The following KDELR2 variants were observed in gnomAD, a reference collection of about 807,000 sequenced individuals.
KDELR2 encodes KDEL endoplasmic reticulum protein retention receptor 2.
In KDELR2, 15 loss-of-function variants were observed where a neutral mutation model predicts 23.9. That is an observed-to-expected ratio of 0.63 (90% CI 0.42 to 0.97). The LOEUF (loss-of-function observed/expected upper bound fraction) is 0.97, where lower values mean the gene tolerates loss of function less well. Among genes scored for constraint, KDELR2 ranks in the 50% least tolerant of loss-of-function variants. KDELR2 has a pLI of 0.00. For missense variants in KDELR2, 272 were observed against 254.6 expected (o/e 1.07, Z -0.46); for synonymous variants, 119 against 106.2 (o/e 1.12, Z -0.74).
rs1426223898 is a variant in KDELR2 at position 6,466,004 on chromosome 7, T to A, written c.604+67A>T. On this transcript the variant is annotated intron_variant, in intron 4 of 4. Transcript: ENST00000258739. ...ATGAGAGAGTGCCAGATTAGAAGAG[T>A]GCTGGGCAAGGGCACTCCTAAAAGA... 5.2e-6 allele frequency: 8 copies of A among 1,548,478 alleles called. No individual in the cohort carries two copies. In the African/African-American group the frequency reaches 8.2e-5, roughly 16 times the overall value.
Position 6,484,095 on chromosome 7 carries a change from C to G in KDELR2, c.-38G>C. ...GGTGGCGGTCGGCGCAGCGCGGCGG[C>G]CCCGGGGCTGGGCGGCTCAGGAGGC... is the stretch of plus-strand genomic sequence containing the variant. On this transcript the variant is annotated 5_prime_UTR_variant, in exon 1 of 5. Transcript: ENST00000258739. The G allele has an allele frequency of 7.2e-7, 1 of 1,396,578 alleles. No individual in the cohort carries two copies. The highest frequency in any genetic ancestry group is 1.5e-5 in the African/African-American group (1 of 66,646). The allele number at this position is 1,396,578 out of a possible 1,614,324, so 86.5% of individuals were successfully genotyped here. A position where few individuals can be genotyped will look rare whatever the true frequency, so the allele number is the denominator to read the frequency against.
At chr7:6,473,376 C>G (rs772530901) in intron 2 of KDELR2, among the ~76,000 whole-genome samples, 3 of 152,112 alleles carry the variant, frequency 2.0e-5, no homozygotes, top group African/African-American at 7.2e-5. Context: ...CAGTTCCCAG[C>G]TCTGTAGGTG....
intron 3 of KDELR2, among the ~76,000 whole-genome samples, chr7:6,467,889 G>A (rs1011603043): frequency 2.0e-5 from 3 of 152,208 alleles, no homozygotes; most frequent in African/African-American, 7.2e-5. Flanking sequence ...GCACTCAGGA[G>A]CAGATCAGCT....
Position 6,461,918 on chromosome 7 carries a change from G to A in KDELR2, c.*1223C>T, listed in dbSNP as rs891619353. On this transcript the variant is annotated 3_prime_UTR_variant, in exon 5 of 5. Coordinates refer to ENST00000258739, the MANE Select transcript of KDELR2 (RefSeq NM_006854.4). ...CATAATGTCTTACAGATGATTATGT[G>A]AACTTTAAATGTCTGCAGCCCTACA... The A allele has an allele frequency of 6.6e-6, 1 of 152,038 alleles. No individual in the cohort carries two copies. Among genetic ancestry groups the A allele is most frequent in the East Asian group, 1.9e-4 (1 of 5,200 alleles). The allele number at this position is 152,038 out of a possible 1,614,324, so 9.4% of individuals were successfully genotyped here. A position where few individuals can be genotyped will look rare whatever the true frequency, so the allele number is the denominator to read the frequency against.
intron 2 of KDELR2, among the ~76,000 whole-genome samples, chr7:6,473,480 C>A (rs560761919): frequency 5.3e-5 from 8 of 152,102 alleles, no homozygotes; most frequent in Non-Finnish European, 5.9e-5. Context: ...CAGTGCTACA[C>A]AAAGTGTTAG....
chr7:6,482,130 G>A (rs937985103), intron 1 of KDELR2, among the ~76,000 whole-genome samples: 2 of 152,140 alleles, frequency 1.3e-5, no homozygotes, highest in Non-Finnish European at 2.9e-5. Context: ...AGCCTACCGA[G>A]TAGCTGGGAT....
chr7:6,477,154 G>A (rs1299104794), intron 1 of KDELR2, among the ~76,000 whole-genome samples: 2 of 152,216 alleles, frequency 1.3e-5, no homozygotes, highest in South Asian at 2.1e-4. Flanking sequence ...GCTAGAGGGT[G>A]AGAGAGCCCC....
rs1363601541 is a variant in KDELR2 at position 6,474,265 on chromosome 7, C to G, written c.111G>C (p.Gln37His). 1 of 1,613,396 alleles carries G rather than the reference C, an allele frequency of 6.2e-7. No homozygotes were observed. The highest frequency in any genetic ancestry group is 1.7e-5 in the Admixed American group (1 of 60,002). The change falls in exon 2 of 5, where the codon CAG (glutamine) becomes CAC (histidine). Residue 37 changes from glutamine to histidine, a missense_variant. Coordinates refer to ENST00000258739, the MANE Select transcript of KDELR2 (RefSeq NM_006854.4). ...RSCAGISGKS[Q>H]LLFALVFTTR... The stretch of plus-strand genomic sequence containing the variant: ...TTGTGAAGACCAGTGCAAACAGAAG[C>G]TGGCTTTTCCCAGAAATACCTAGAG...
intron 1 of KDELR2, among the ~76,000 whole-genome samples, chr7:6,481,377 A>AG (rs1039971813): frequency 3.3e-5 from 5 of 151,140 alleles, no homozygotes; most frequent in African/African-American, 7.3e-5. Context: ...AAAAAAAAAA[A>AG]AAAGAAAGAA....
At position 6,461,507 on chromosome 7, in the gene KDELR2, C is replaced by A. The variant is rs976229207; in HGVS notation, c.*1634G>T. 3 of 151,740 alleles carry A rather than the reference C, an allele frequency of 2.0e-5. No homozygotes were observed. Among genetic ancestry groups the A allele is most frequent in the Non-Finnish European group, 2.9e-5 (2 of 68,008 alleles). The allele number at this position is 151,740 out of a possible 1,614,324, so 9.4% of individuals were successfully genotyped here. ...ATCTTCAAGCAGGATGAAAAGAGAC[C>A]ACAGAAACTGAAGCAAGACTAGGAT... On this transcript the variant is annotated 3_prime_UTR_variant, in exon 5 of 5. Transcript: ENST00000258739.
Position 6,484,110 on chromosome 7 carries a change from G to A in KDELR2, c.-53C>T, listed in dbSNP as rs1390756449. ...AGCGCGGCGGCCCCGGGGCTGGGCG[G>A]CTCAGGAGGCGGCGGCCCCTGAGAG... On this transcript the variant is annotated 5_prime_UTR_variant, in exon 1 of 5. Transcript: ENST00000258739. 1.0e-5 allele frequency: 13 copies of A among 1,253,784 alleles called. No homozygotes were observed. The highest frequency in any genetic ancestry group is 1.2e-5 in the Non-Finnish European group (12 of 986,540). 77.7% of individuals were successfully genotyped at this position (1,253,784 alleles called of 1,614,324 possible).
intron 4 of KDELR2, 69 bp downstream of exon 4, chr7:6,466,002 A>G: frequency 6.6e-7 from 1 of 1,524,616 alleles, no homozygotes; most frequent in Non-Finnish European, 9.0e-7. Context: ...AGATTAGAAG[A>G]GTGCTGGGCA....
chr7:6,464,170 C>A (rs1430101360), intron 4 of KDELR2, among the ~76,000 whole-genome samples: 1 of 127,484 alleles, frequency 7.8e-6, no homozygotes, highest in African/African-American at 3.2e-5. Flanking sequence ...GCACTCCAGC[C>A]TGGGCAACAA....
rs755032117 is a variant in KDELR2, at chr7:6,466,292, G to A, written c.383C>T (p.Ser128Phe). 7 of 1,613,954 alleles carry A rather than the reference G, an allele frequency of 4.3e-6. No individual in the cohort carries two copies. Among genetic ancestry groups the A allele is most frequent in the East Asian group, 2.2e-5 (1 of 44,896 alleles). Residue 128 changes from serine (S) to phenylalanine (F), a missense_variant, in exon 4 of 5, where the codon TCC becomes TTC. Ser to Phe is a radical substitution (Grantham distance 155). Coordinates refer to ENST00000258739, the MANE Select transcript of KDELR2 (RefSeq NM_006854.4). ...AAATAGCTGCGGAAGGATAGCCACGGACTCCAGGTAGATGGAGAAGGTCCA... is the reference window on the plus strand; with the variant it reads ...AAATAGCTGCGGAAGGATAGCCACGAACTCCAGGTAGATGGAGAAGGTCCA... The part of the protein sequence containing the change: ...ILWTFSIYLE[S>F]VAILPQLFMI...
At chr7:6,483,770 T>C (rs1036470708) in intron 1 of KDELR2, among the ~76,000 whole-genome samples, 197 bp downstream of exon 1, 1 of 151,936 alleles carries the variant, frequency 6.6e-6, no homozygotes, top group Non-Finnish European at 1.5e-5. Flanking sequence ...GGTCCCGCGC[T>C]GCGACACCCG....
chr7:6,469,044 C>T (rs1315957201), intron 3 of KDELR2, among the ~76,000 whole-genome samples: 1 of 151,654 alleles, frequency 6.6e-6, no homozygotes, highest in Non-Finnish European at 1.5e-5. Context: ...CTCCACCTCC[C>T]GGGTTCACGC....
chr7:6,462,808 TA>T lies in KDELR2; in HGVS notation c.*332del. ...GACTTAAGAGTTTCAAAGAATTTTT[TA>T]AAATAAAAAAAAAATTTGCACTTAT... On this transcript the variant is annotated 3_prime_UTR_variant, in exon 5 of 5. Transcript: ENST00000258739. 1 of 582,070 alleles carries T rather than the reference TA, an allele frequency of 1.7e-6. No individual in the cohort carries two copies. Among genetic ancestry groups the T allele is most frequent in the Non-Finnish European group, 2.9e-6 (1 of 349,192 alleles). 36.1% of individuals were successfully genotyped at this position (582,070 alleles called of 1,614,324 possible).
In KDELR2 at chr7:6,481,728, TAAAC is replaced by T. The variant is rs368614334; in HGVS notation, c.91+2235_91+2238del. ...GAGTGAGACATCGGTCCCACTGTTTTAAACAAACAAACAAACAAACAAACAAAAA... is the reference window on the plus strand; with the variant it reads ...GAGTGAGACATCGGTCCCACTGTTTTAAACAAACAAACAAACAAACAAAAA... On this transcript the variant is annotated intron_variant, in intron 1 of 4. Coordinates refer to ENST00000258739, the MANE Select transcript of KDELR2 (RefSeq NM_006854.4). 5.7e-4 allele frequency among the ~76,000 whole-genome samples: 87 copies of T among 152,078 alleles called. 1 individual carries two copies. Among genetic ancestry groups the T allele is most frequent in the African/African-American group, 9.7e-4 (40 of 41,444 alleles).
Position 6,466,318 on chromosome 7 carries a change from G to C in KDELR2, c.357C>G (p.Leu119=). ...VNHDFSPLEI[L]WTFSIYLESV... ...ACTCCAGGTAGATGGAGAAGGTCCAGAGGATCTGGAAGAGAAATGGCAAGC... is the reference window on the plus strand; with the variant it reads ...ACTCCAGGTAGATGGAGAAGGTCCACAGGATCTGGAAGAGAAATGGCAAGC... Residue 119 remains leucine, a synonymous_variant, in exon 4 of 5, where the codon CTC becomes CTG. Transcript: ENST00000258739. The C allele has an allele frequency of 1.9e-6, 3 of 1,613,368 alleles. No individual in the cohort carries two copies. Among genetic ancestry groups the C allele is most frequent in the Non-Finnish European group, 2.5e-6 (3 of 1,179,670 alleles).
Sources: gnomAD v4.1 joint callset for allele counts (sites outside exome capture counted in the v4.1 genomes callset) on GRCh38, gnomAD v4.1.1 for gene constraint, MANE v1.5 for transcripts, NCBI Gene and HGNC (gene_info 2026-07-23, HGNC 2026-07-21) for gene names.